Variants in ANKHD1 observed in about 807,000 individuals in gnomAD.
ANKHD1 encodes ankyrin repeat and KH domain-containing protein 1.
ANKHD1 carries 31 observed loss-of-function variants against 230.5 expected under a neutral mutation model. The ratio of observed to expected loss-of-function variants is 0.13; its 90% CI spans 0.10 to 0.18. ANKHD1 has a LOEUF of 0.18. Among genes scored for constraint, ANKHD1 ranks in the 10% least tolerant of loss-of-function variants. The pLI is 1.00. For missense variants in ANKHD1, 2,256 were observed against 3,071.3 expected (o/e 0.73, Z 6.27); for synonymous variants, 1,074 against 1,117.6 (o/e 0.96, Z 0.78).
At chr5:140,518,717 G>T (rs13180584) in intron 24 of ANKHD1, among the ~76,000 whole-genome samples, 3 of 151,972 alleles carry the variant, frequency 2.0e-5, no homozygotes, top group African/African-American at 2.4e-5. Context: ...TGCAGAAAAG[G>T]CCTTTGACAA....
At chr5:140,427,149 A>ACC (rs1259127169) in intron 1 of ANKHD1, among the ~76,000 whole-genome samples, 83 of 131,406 alleles carry the variant, frequency 6.3e-4, no homozygotes, top group African/African-American at 2.4e-3. Flanking sequence ...CAGGGGGCTG[A>ACC]CCCCCCCCAC....
intron 7 of ANKHD1, among the ~76,000 whole-genome samples, chr5:140,453,793 A>C (rs1273238678): frequency 6.6e-6 from 1 of 152,236 alleles, no homozygotes; most frequent in Non-Finnish European, 1.5e-5. Flanking sequence ...GGCTAGGAAG[A>C]AACTGCATCA....
chr5:140,522,499 C>A (rs980679506), intron 24 of ANKHD1, among the ~76,000 whole-genome samples: 2 of 152,150 alleles, frequency 1.3e-5, no homozygotes, highest in Admixed American at 6.5e-5. Flanking sequence ...AAAATTTTAG[C>A]ATCTCTCAAT....
intron 10 of ANKHD1, among the ~76,000 whole-genome samples, chr5:140,480,301 G>A (rs1056656366): frequency 6.6e-6 from 1 of 152,062 alleles, no homozygotes; most frequent in Non-Finnish European, 1.5e-5. Flanking sequence ...ATTTTGAAAT[G>A]ACTTGGTGTG....
chr5:140,458,979 TGCATATATATATATATGC>T (rs1561755231), intron 8 of ANKHD1, 117 bp downstream of exon 8: 718 of 21,002 alleles, frequency 0.034, 135 homozygotes, highest in Middle Eastern at 0.053. Flanking sequence ...TATATATATA[TGCATATATATATATATGC>T]ATATATATAT....
chr5:140,449,085 T>G, intron 6 of ANKHD1, 126 bp from the exon 7 acceptor site: 1 of 1,008,600 alleles, frequency 9.9e-7, no homozygotes, highest in South Asian at 1.8e-5. Flanking sequence ...TACTGATTTA[T>G]TTATTGAATG....
rs1036668659 is a variant in ANKHD1 at position 140,401,876 on chromosome 5, C to G, written c.-92C>G. The stretch of plus-strand genomic sequence containing the variant: ...CTGCTGGGACGGGGGAAAGGAGACG[C>G]TTCTTCCTCTTGCTGCTCTTCTCGT... On this transcript the variant is annotated 5_prime_UTR_variant, in exon 1 of 34. Coordinates refer to ENST00000360839, the MANE Select transcript of ANKHD1 (RefSeq NM_017747.3). 1.4e-6 allele frequency: 2 copies of G among 1,462,450 alleles called. No homozygotes were observed. Among genetic ancestry groups the G allele is most frequent in the Admixed American group, 2.8e-5 (1 of 35,644 alleles). 90.6% of individuals were successfully genotyped at this position (1,462,450 alleles called of 1,614,324 possible).
intron 7 of ANKHD1, among the ~76,000 whole-genome samples, chr5:140,458,246 A>G (rs1239025442): frequency 6.6e-6 from 1 of 152,142 alleles, no homozygotes; most frequent in African/African-American, 2.4e-5. Flanking sequence ...GTATGACTGT[A>G]TTTGACCTGG....
In ANKHD1 at chr5:140,468,052, C is replaced by CTTTTTTTT. The variant is rs869172143; in HGVS notation, c.1782+3309_1782+3316dup. On this transcript the variant is annotated intron_variant, in intron 10 of 33. Coordinates refer to ENST00000360839, the MANE Select transcript of ANKHD1 (RefSeq NM_017747.3). ...AGTTTAAGGTTTAAGTGTACTAATT[C>CTTTTTTTT]TTTTTTTTTTTTTTTTTTTTTTTTT... is the stretch of plus-strand genomic sequence containing the variant. 4.8e-4 allele frequency among the ~76,000 whole-genome samples: 25 copies of CTTTTTTTT among 52,410 alleles called. 2 individuals carry two copies. Among genetic ancestry groups the CTTTTTTTT allele is most frequent in the African/African-American group, 8.9e-4 (10 of 11,270 alleles). The allele number at this position is 52,410 out of a possible 152,430, so 34.4% of individuals were successfully genotyped here. A position where few individuals can be genotyped will look rare whatever the true frequency, so the allele number is the denominator to read the frequency against.
chr5:140,505,700 T>G, intron 17 of ANKHD1, 24 bp from the exon 18 acceptor site: 1 of 1,573,026 alleles, frequency 6.4e-7, no homozygotes. Context: ...TAAATTTGTT[T>G]AAGATTTTCA....
chr5:140,538,377 T>C, intron 32 of ANKHD1, 116 bp downstream of exon 32: 4 of 1,499,660 alleles, frequency 2.7e-6, no homozygotes, highest in Non-Finnish European at 3.6e-6. Context: ...CTTTGCTAGA[T>C]CTTTTGCTTA....
At chr5:140,412,493 A>T (rs1298741853) in intron 1 of ANKHD1, among the ~76,000 whole-genome samples, 1 of 152,168 alleles carries the variant, frequency 6.6e-6, no homozygotes, top group African/African-American at 2.4e-5. Context: ...AATTACTGTC[A>T]TGTAGATCAG....
chr5:140,484,977 G>A, intron 11 of ANKHD1, 144 bp from the exon 12 acceptor site: 2 of 1,302,854 alleles, frequency 1.5e-6, no homozygotes, highest in African/African-American at 3.0e-5. Context: ...TTCATTTTGT[G>A]AAAAAAATTC....
chr5:140,484,167 A>G (rs1751407741), intron 11 of ANKHD1, among the ~76,000 whole-genome samples: 1 of 152,238 alleles, frequency 6.6e-6, no homozygotes, highest in Non-Finnish European at 1.5e-5. Flanking sequence ...TATTTTCTGA[A>G]AATTAGACAA....
In ANKHD1 at chr5:140,527,247, C is replaced by A; in HGVS notation, c.5087+173C>A. On this transcript the variant is annotated intron_variant, in intron 27 of 33. Transcript: ENST00000360839. This position sits in a 1 kb window ranked among gnomAD's most constrained non-coding sequence, Gnocchi z 4.5. ...AATTAGAAGCAGTATGTAAATTTTGCATGCATATTTTATATGACACAAGAA... is the reference window on the plus strand; with the variant it reads ...AATTAGAAGCAGTATGTAAATTTTGAATGCATATTTTATATGACACAAGAA... The A allele has an allele frequency of 9.1e-7, 1 of 1,095,462 alleles. No individual in the cohort carries two copies. Among genetic ancestry groups the A allele is most frequent in the Non-Finnish European group, 1.2e-6 (1 of 835,620 alleles). 67.9% of individuals were successfully genotyped at this position (1,095,462 alleles called of 1,614,324 possible).
At chr5:140,439,138 T>G (rs1481314423) in intron 3 of ANKHD1, among the ~76,000 whole-genome samples, 2 of 152,120 alleles carry the variant, frequency 1.3e-5, no homozygotes, top group Non-Finnish European at 2.9e-5. Flanking sequence ...TCGTACACAT[T>G]AAAGTTTGAG....
intron 5 of ANKHD1, among the ~76,000 whole-genome samples, chr5:140,445,206 T>G (rs1325814521): frequency 6.6e-6 from 1 of 151,864 alleles, no homozygotes; most frequent in Non-Finnish European, 1.5e-5. Flanking sequence ...GTGGTATAAT[T>G]GGCATAATTG....
intron 14 of ANKHD1, among the ~76,000 whole-genome samples, chr5:140,492,805 A>G (rs1282087288): frequency 2.0e-5 from 3 of 152,186 alleles, no homozygotes; most frequent in Non-Finnish European, 4.4e-5. Context: ...TTATTTTTCC[A>G]TTGTACAATG....
At chr5:140,455,396 G>A (rs1333229678) in intron 7 of ANKHD1, among the ~76,000 whole-genome samples, 8 of 152,092 alleles carry the variant, frequency 5.3e-5, no homozygotes. Flanking sequence ...CCAAAGCCTG[G>A]CAGAGACACA....
Sources: gnomAD v4.1 joint callset for allele counts (sites outside exome capture counted in the v4.1 genomes callset) on GRCh38, gnomAD v4.1.1 for gene constraint, Gnocchi (gnomAD v3.1) non-coding constraint, MANE v1.5 for transcripts, NCBI Gene and HGNC (gene_info 2026-07-23, HGNC 2026-07-21) for gene names.